Variants in ANKS1B observed in about 807,000 individuals in gnomAD.
ANKS1B encodes ankyrin repeat and sterile alpha motif domain containing 1B.
Under a neutral mutation model 148.3 loss-of-function variants are expected in ANKS1B, and 36 were observed. The ratio of observed to expected loss-of-function variants is 0.24; its 90% confidence interval spans 0.19 to 0.32. The LOEUF (loss-of-function observed/expected upper bound fraction) is 0.32. Among genes scored for constraint, ANKS1B ranks in the 10% least tolerant of loss-of-function variants. The pLI, the probability that ANKS1B is intolerant of heterozygous loss-of-function variation, is 1.00. For synonymous variants in ANKS1B, 542 were observed against 560.8 expected (o/e 0.97, Z 0.47); for missense variants, 1,157 against 1,542.6 (o/e 0.75, Z 4.19).
chr12:99,330,745 A>G (rs1005825694), intron 12 of ANKS1B, among the ~76,000 whole-genome samples: 11 of 151,988 alleles, frequency 7.2e-5, no homozygotes, highest in African/African-American at 2.7e-4. Flanking sequence ...TGCTTCAAGG[A>G]GCTAATAGAA....
At chr12:98,995,740 T>C (rs1568255680) in intron 17 of ANKS1B, among the ~76,000 whole-genome samples, 1 of 152,212 alleles carries the variant, frequency 6.6e-6, no homozygotes, top group South Asian at 2.1e-4. Context: ...CGAGGAACCA[T>C]ATAGTTGCCC....
At chr12:98,945,536 GGAGA>G (rs1231664866) in intron 17 of ANKS1B, among the ~76,000 whole-genome samples, 3 of 115,450 alleles carry the variant, frequency 2.6e-5, no homozygotes, top group African/African-American at 4.3e-5. Flanking sequence ...AAAAAAAAAG[GGAGA>G]GAGAGAGAGG....
Position 99,501,173 on chromosome 12 carries a change from A to G in ANKS1B, c.1438+3303T>C, listed in dbSNP as rs138968811. On this transcript the variant is annotated intron_variant, in intron 10 of 26. Coordinates refer to ENST00000683438, the MANE Select transcript of ANKS1B (RefSeq NM_001352186.2). ...ATATCTTCAGGCTCACTTTTTCTTT[A>G]TAATGGCACAGTCATTGTATAGTCT... Among the ~76,000 whole-genome samples the G allele has an allele frequency of 7.9e-3, 1,196 of 151,636 alleles. 12 individuals are homozygous for G. Among genetic ancestry groups the G allele is most frequent in the African/African-American group, 0.027 (1,113 of 41,274 alleles).
Position 99,853,811 on chromosome 12 carries a change from G to T in ANKS1B, c.135-28422C>A, listed in dbSNP as rs1354353117. 4.0e-5 allele frequency among the ~76,000 whole-genome samples: 6 copies of T among 151,060 alleles called. No homozygotes were observed. In the East Asian group the frequency reaches 7.8e-4, roughly 20 times the overall value. ...AGAGAAAGGTGATGTCCAACTAAAA[G>T]AAATAAAAAAAAGATACAGGATATG... On this transcript the variant is annotated intron_variant, in intron 1 of 26. Coordinates refer to ENST00000683438, the MANE Select transcript of ANKS1B (RefSeq NM_001352186.2).
chr12:99,473,541 C>A (rs1595514860), intron 10 of ANKS1B, among the ~76,000 whole-genome samples: 2 of 151,906 alleles, frequency 1.3e-5, no homozygotes, highest in Non-Finnish European at 2.9e-5. Flanking sequence ...ATGTGGAGTA[C>A]CAATTTATAG....
intron 9 of ANKS1B, among the ~76,000 whole-genome samples, chr12:99,621,774 C>T (rs186739449): frequency 1.5e-3 from 225 of 152,068 alleles, no homozygotes; most frequent in Non-Finnish European, 2.7e-3. Context: ...TCTAGAGCTA[C>T]AAAAAGACTT....
intron 13 of ANKS1B, among the ~76,000 whole-genome samples, chr12:99,245,489 C>T (rs2090093854): frequency 6.6e-6 from 1 of 152,146 alleles, no homozygotes; most frequent in African/African-American, 2.4e-5. Context: ...TTAAATGTCC[C>T]AGTTTGTTCA....
At chr12:99,795,605 A>C (rs2066151196) in intron 4 of ANKS1B, among the ~76,000 whole-genome samples, 1 of 152,046 alleles carries the variant, frequency 6.6e-6, no homozygotes, top group Admixed American at 6.6e-5. Flanking sequence ...ATATTTAAAA[A>C]TATGATAGTG....
rs535167678 is a variant in ANKS1B at position 98,780,410 on chromosome 12, G to A, written c.3441+707C>T. The stretch of plus-strand genomic sequence containing the variant: ...CCCAAGCTTTCTACTTCAGCACCAC[G>A]ATGCTGTTGTCTTTGTCAAGAAAGG... On this transcript the variant is annotated intron_variant, in intron 24 of 26. Transcript: ENST00000683438. 1.1e-4 allele frequency among the ~76,000 whole-genome samples: 16 copies of A among 152,296 alleles called. No homozygotes were observed. In the East Asian group the frequency reaches 2.5e-3, roughly 24 times the overall value.
intron 1 of ANKS1B, among the ~76,000 whole-genome samples, chr12:99,834,672 C>T (rs970935519): frequency 6.6e-6 from 1 of 152,106 alleles, no homozygotes; most frequent in Non-Finnish European, 1.5e-5. Flanking sequence ...ATATGTACAG[C>T]AAATAAGATT....
intron 25 of ANKS1B, among the ~76,000 whole-genome samples, chr12:98,764,826 C>T (rs1049762082): frequency 6.6e-6 from 1 of 152,218 alleles, no homozygotes; most frequent in African/African-American, 2.4e-5. Flanking sequence ...GAGAGCCCAC[C>T]CTGCTGGCTG....
At chr12:98,918,626 T>G (rs912822425) in intron 17 of ANKS1B, among the ~76,000 whole-genome samples, 1 of 152,226 alleles carries the variant, frequency 6.6e-6, no homozygotes, top group Non-Finnish European at 1.5e-5. Flanking sequence ...ATGCACATTT[T>G]AATGCTCTTG....
chr12:98,742,161 C>T (rs1210468954), downstream of ANKS1B, among the ~76,000 whole-genome samples: 3 of 152,238 alleles, frequency 2.0e-5, no homozygotes, highest in Non-Finnish European at 4.4e-5. Context: ...CTGATACCCG[C>T]GCTCCTCCAC....
At position 99,169,232 on chromosome 12, in the gene ANKS1B, G is replaced by C. The variant is rs190869996; in HGVS notation, c.2420-14837C>G. Among the ~76,000 whole-genome samples the C allele has an allele frequency of 1.4e-3, 214 of 152,246 alleles. 2 individuals carry two copies. The highest frequency in any genetic ancestry group is 5.0e-3 in the African/African-American group (208 of 41,556). ...TTGAGATGAGAGAAATTAAAACTTAGAGACATGACTTCCTATTGTGACCAC... is the reference window on the plus strand; with the variant it reads ...TTGAGATGAGAGAAATTAAAACTTACAGACATGACTTCCTATTGTGACCAC... On this transcript the variant is annotated intron_variant, in intron 14 of 26. Coordinates refer to ENST00000683438, the MANE Select transcript of ANKS1B (RefSeq NM_001352186.2).
intron 12 of ANKS1B, among the ~76,000 whole-genome samples, chr12:99,306,435 T>A (rs2082352417): frequency 1.3e-5 from 2 of 152,034 alleles, no homozygotes; most frequent in South Asian, 4.1e-4. Context: ...TGTGTCTCCC[T>A]ACCCCCACCC....
At chr12:99,244,210 C>A in intron 14 of ANKS1B, 132 bp downstream of exon 14, 1 of 626,932 alleles carries the variant, frequency 1.6e-6, no homozygotes, top group East Asian at 3.1e-5. Context: ...GTTGTTAGAT[C>A]TGAGAGTGGA....
At chr12:99,558,348 T>C (rs1010693287) in intron 9 of ANKS1B, among the ~76,000 whole-genome samples, 12 of 152,202 alleles carry the variant, frequency 7.9e-5, no homozygotes, top group East Asian at 3.9e-4. Context: ...TAGCATAGTG[T>C]GCTCACACTG....
intron 1 of ANKS1B, among the ~76,000 whole-genome samples, chr12:99,892,508 C>T (rs1037146538): frequency 1.1e-4 from 16 of 152,080 alleles, no homozygotes; most frequent in African/African-American, 3.4e-4. Flanking sequence ...ACTTGAGAAA[C>T]CTGAATCCCC....
chr12:99,317,489 G>A (rs1443463307), intron 12 of ANKS1B, among the ~76,000 whole-genome samples: 1 of 152,164 alleles, frequency 6.6e-6, no homozygotes, highest in Non-Finnish European at 1.5e-5. Flanking sequence ...GTATAGGAAT[G>A]CTGTGATTTT....
Sources: allele counts gnomAD v4.1 joint callset (sites outside exome capture counted in the v4.1 genomes callset), GRCh38; gene constraint gnomAD v4.1.1; transcripts MANE v1.5; gene names NCBI Gene and HGNC (gene_info 2026-07-23, HGNC 2026-07-21).